Variants in CAMK1D observed in about 807,000 individuals in gnomAD.
CAMK1D encodes calcium/calmodulin dependent protein kinase ID, also known as calcium/calmodulin-dependent protein kinase type 1D.
Under a neutral mutation model 47.7 loss-of-function variants are expected in CAMK1D, and 9 were observed. The ratio of observed to expected loss-of-function variants is 0.19; its 90% CI spans 0.11 to 0.33. CAMK1D has a LOEUF of 0.33. Ranked by LOEUF, CAMK1D falls within the 10% of genes least tolerant of loss-of-function variation. The probability of loss-of-function intolerance (pLI) is 1.00; values close to 1 mark genes in which losing one functional copy is unlikely to be tolerated. For synonymous variants in CAMK1D, 184 were observed against 184.9 expected (o/e 0.99, Z 0.04); for missense variants, 291 against 488.7 (o/e 0.60, Z 3.81).
chr10:12,524,706 C>CAA (rs113567619), intron 1 of CAMK1D, among the ~76,000 whole-genome samples: 1 of 142,520 alleles, frequency 7.0e-6, no homozygotes, highest in South Asian at 2.2e-4. Flanking sequence ...GACTCCATCT[C>CAA]AAAAAAAAAA....
chr10:12,412,349 C>G (rs769914370), intron 1 of CAMK1D, among the ~76,000 whole-genome samples: 1 of 151,616 alleles, frequency 6.6e-6, no homozygotes, highest in Non-Finnish European at 1.5e-5. Context: ...GTGGCTCATG[C>G]CTGTAATCCC....
Position 12,553,210 on chromosome 10 carries a change from C to T in CAMK1D, c.93-15C>T, listed in dbSNP as rs368657437. 17 of 1,609,626 alleles carry T rather than the reference C, an allele frequency of 1.1e-5. No individual in the cohort carries two copies. The highest frequency in any genetic ancestry group is 1.0e-4 in the Admixed American group (6 of 58,612). On this transcript the variant is annotated splice_polypyrimidine_tract_variant and intron_variant, in intron 1 of 10. Transcript: ENST00000619168. The stretch of plus-strand genomic sequence containing the variant: ...TTCTGCATCTAAGTGTTCTTTTTTC[C>T]TTCTTTGTTCACAGCGGGGCCTTTT...
intron 3 of CAMK1D, among the ~76,000 whole-genome samples, chr10:12,758,735 A>T (rs1467000357): frequency 1.3e-5 from 2 of 152,170 alleles, no homozygotes; most frequent in African/African-American, 4.8e-5. Flanking sequence ...GTTTTGAGGG[A>T]CGCAGGTTGG....
Position 12,518,741 on chromosome 10 carries a change from C to T in CAMK1D, c.93-34484C>T, listed in dbSNP as rs1256917134. ...CTGTTTAACAAAGCACATCTTGCAC[C>T]GCCCTTAATCCATTTAACCCTGAGT... is the stretch of plus-strand genomic sequence containing the variant. On this transcript the variant is annotated intron_variant, in intron 1 of 10. Coordinates refer to ENST00000619168, the MANE Select transcript of CAMK1D (RefSeq NM_153498.4). 9.6e-5 allele frequency among the ~76,000 whole-genome samples: 9 copies of T among 93,768 alleles called. 2 individuals are homozygous for T. Among genetic ancestry groups the T allele is most frequent in the Admixed American group, 8.3e-4 (8 of 9,686 alleles). 61.5% of individuals were successfully genotyped at this position (93,768 alleles called of 152,430 possible).
At chr10:12,471,834 C>T (rs1833754770) in intron 1 of CAMK1D, among the ~76,000 whole-genome samples, 1 of 152,086 alleles carries the variant, frequency 6.6e-6, no homozygotes, top group South Asian at 2.1e-4. Flanking sequence ...GAGTTCAAGA[C>T]CAGTCTGGGC....
rs140872908 is a variant in CAMK1D, at chr10:12,537,796, C to CT, written c.93-15425dup. ...GAATATTTTCCCCTTTCCGCTGAGA[C>CT]TTTTGGATTTTGCATTTTGCTTAAG... is the stretch of plus-strand genomic sequence containing the variant. On this transcript the variant is annotated intron_variant, in intron 1 of 10. Transcript: ENST00000619168. Among the ~76,000 whole-genome samples, 283 of 152,230 alleles carry CT rather than the reference C, an allele frequency of 1.9e-3. 3 individuals carry two copies. Among genetic ancestry groups the CT allele is most frequent in the African/African-American group, 6.4e-3 (267 of 41,554 alleles).
At chr10:12,419,640 GCACACACA>G (rs111807347) in intron 1 of CAMK1D, among the ~76,000 whole-genome samples, 29 of 147,192 alleles carry the variant, frequency 2.0e-4, no homozygotes, top group Admixed American at 6.1e-4. Context: ...AAGAGAAAAT[GCACACACA>G]CACACACACA....
chr10:12,360,417 C>T (rs1837623779), intron 1 of CAMK1D, among the ~76,000 whole-genome samples: 2 of 152,120 alleles, frequency 1.3e-5, no homozygotes, highest in East Asian at 1.9e-4. Flanking sequence ...GAAGCTGTAC[C>T]AAGCCAGGAG....
At chr10:12,552,108 A>G (rs1836602959) in intron 1 of CAMK1D, among the ~76,000 whole-genome samples, 1 of 152,214 alleles carries the variant, frequency 6.6e-6, no homozygotes, top group African/African-American at 2.4e-5. Flanking sequence ...GGAGTTCTGC[A>G]CGCAGGCCTT....
chr10:12,817,939 T>C (rs562321028), intron 8 of CAMK1D, among the ~76,000 whole-genome samples: 3 of 152,180 alleles, frequency 2.0e-5, no homozygotes, highest in Admixed American at 6.5e-5. Context: ...TCCACCTGTT[T>C]CGGCCTCCCA....
At chr10:12,450,086 T>C (rs1174427362) in intron 1 of CAMK1D, among the ~76,000 whole-genome samples, 1 of 117,216 alleles carries the variant, frequency 8.5e-6, no homozygotes, top group East Asian at 3.0e-4. Flanking sequence ...CTCTGTTCCT[T>C]CACCCAAGGA....
intron 1 of CAMK1D, among the ~76,000 whole-genome samples, chr10:12,411,807 G>C (rs1236169108): frequency 1.1e-5 from 1 of 90,488 alleles, no homozygotes; most frequent in Non-Finnish European, 2.3e-5. Flanking sequence ...GCCGTGTTGG[G>C]CAGGCTGGTC....
At chr10:12,384,471 G>A (rs1470452330) in intron 1 of CAMK1D, among the ~76,000 whole-genome samples, 2 of 152,208 alleles carry the variant, frequency 1.3e-5, no homozygotes, top group African/African-American at 4.8e-5. Flanking sequence ...AATCAAGACA[G>A]TGTGGTCCTG....
At chr10:12,422,707 C>G (rs561945612) in intron 1 of CAMK1D, among the ~76,000 whole-genome samples, 1 of 151,362 alleles carries the variant, frequency 6.6e-6, no homozygotes, top group East Asian at 1.9e-4. Context: ...GAGTCTCAGT[C>G]TGTCGCCCAG....
At chr10:12,661,933 T>G (rs72771770) in intron 2 of CAMK1D, among the ~76,000 whole-genome samples, 7,326 of 152,288 alleles carry the variant, frequency 0.048, 249 homozygotes, top group Non-Finnish European at 0.071. Flanking sequence ...TTAAATAGTA[T>G]TATGTGGTGT....
chr10:12,431,438 G>A (rs1056612181), intron 1 of CAMK1D, among the ~76,000 whole-genome samples: 1 of 152,174 alleles, frequency 6.6e-6, no homozygotes, highest in Non-Finnish European at 1.5e-5. Flanking sequence ...AGAGAGACTG[G>A]GTGGGTCGGG....
intron 1 of CAMK1D, among the ~76,000 whole-genome samples, chr10:12,418,718 A>G (rs1839939109): frequency 6.6e-6 from 1 of 152,172 alleles, no homozygotes; most frequent in Admixed American, 6.5e-5. Context: ...TTGCTAGTCC[A>G]AAATGAAACC....
At chr10:12,814,406 A>AACAGTC in intron 7 of CAMK1D, 99 bp downstream of exon 7, 1 of 716,724 alleles carries the variant, frequency 1.4e-6, no homozygotes. Context: ...GGGGGCTCAG[A>AACAGTC]ACAGTCCTGA....
intron 1 of CAMK1D, among the ~76,000 whole-genome samples, chr10:12,427,448 CTCCCA>C (rs1840271440): frequency 6.6e-6 from 1 of 152,258 alleles, no homozygotes; most frequent in Admixed American, 6.5e-5. Context: ...CTGACAGTGT[CTCCCA>C]TCAGCCGGCC....
Sources: allele counts gnomAD v4.1 joint callset (sites outside exome capture counted in the v4.1 genomes callset), GRCh38; gene constraint gnomAD v4.1.1; transcripts MANE v1.5; gene names NCBI Gene and HGNC (gene_info 2026-07-23, HGNC 2026-07-21).